Variants in FAM81A observed in about 807,000 individuals in gnomAD.
FAM81A encodes the protein protein FAM81A.
In FAM81A, 19 loss-of-function variants were observed where a neutral mutation model predicts 46.7. That is an observed-to-expected ratio of 0.41 (90% CI 0.28 to 0.60). The LOEUF (loss-of-function observed/expected upper bound fraction) is 0.60. Ranked by LOEUF, FAM81A falls within the 20% of genes least tolerant of loss-of-function variation. The pLI is 0.34. For synonymous variants in FAM81A, 183 were observed against 152.9 expected, an observed-to-expected ratio of 1.20 and a Z score of -1.45; for missense variants, 377 against 453.5, an observed-to-expected ratio of 0.83 and a Z score of 1.53.
intron 8 of FAM81A, 51 bp from the exon 9 acceptor site, chr15:59,521,203 C>T (rs1246780122): frequency 7.6e-6 from 12 of 1,577,816 alleles, no homozygotes; most frequent in Non-Finnish European, 1.0e-5. Context: ...GAATTTGATA[C>T]AGCATTTTAA....
At chr15:59,478,084 T>C (rs1470091395) in intron 3 of FAM81A, among the ~76,000 whole-genome samples, 2 of 152,194 alleles carry the variant, frequency 1.3e-5, no homozygotes, top group Non-Finnish European at 2.9e-5. Flanking sequence ...CTTTTATTGG[T>C]GGTAAGCTTT....
At chr15:59,421,913 A>G (rs1283998057) in intron 2 of FAM81A, among the ~76,000 whole-genome samples, 1 of 129,982 alleles carries the variant, frequency 7.7e-6, no homozygotes, top group Admixed American at 7.6e-5. Context: ...CTATCTATCT[A>G]TCTATCTATC....
chr15:59,411,812 G>A (rs1165309944), intron 2 of FAM81A, among the ~76,000 whole-genome samples: 1 of 152,178 alleles, frequency 6.6e-6, no homozygotes, highest in Non-Finnish European at 1.5e-5. Context: ...GAGTCTGGGG[G>A]CTGAGGCAGG....
chr15:59,418,357 T>C (rs1456215119), intron 2 of FAM81A, among the ~76,000 whole-genome samples: 1 of 152,216 alleles, frequency 6.6e-6, no homozygotes, highest in African/African-American at 2.4e-5. Context: ...AACTGAGTTT[T>C]ACAATCAATC....
At chr15:59,411,182 G>A (rs1025105371) in intron 2 of FAM81A, among the ~76,000 whole-genome samples, 4 of 152,044 alleles carry the variant, frequency 2.6e-5, no homozygotes, top group African/African-American at 9.7e-5. Flanking sequence ...ATATCATAAC[G>A]CACAGATCAA....
chr15:59,488,623 A>G (rs1383144673), intron 3 of FAM81A, among the ~76,000 whole-genome samples: 2 of 152,234 alleles, frequency 1.3e-5, no homozygotes, highest in African/African-American at 2.4e-5. Flanking sequence ...CTATATGCCA[A>G]TGGGGAACAA....
chr15:59,401,379 A>G, intron 1 of FAM81A: 3 of 787,810 alleles, frequency 3.8e-6, no homozygotes, highest in Non-Finnish European at 7.0e-6. Flanking sequence ...AAAGTTGTAT[A>G]CAGTGGGGAC....
chr15:59,447,892 A>T (rs1216527699), intron 1 of FAM81A, among the ~76,000 whole-genome samples: 1 of 152,200 alleles, frequency 6.6e-6, no homozygotes, highest in East Asian at 1.9e-4. Flanking sequence ...AGGAAGGCAG[A>T]TAATTGGTGG....
Position 59,448,895 on chromosome 15 carries a change from C to T in FAM81A, c.-77-9655C>T, listed in dbSNP as rs368082624. Among the ~76,000 whole-genome samples the T allele has an allele frequency of 3.9e-5, 6 of 152,146 alleles. No individual in the cohort carries two copies. The East Asian group carries it at 9.6e-4, about 24-fold the overall frequency. ...GCACAGGCTGGTCTTGAACTCCTGG[C>T]CTGAAATGATCATCCTACTTCAGCC... On this transcript the variant is annotated intron_variant, in intron 1 of 8. Coordinates refer to ENST00000288228, the MANE Select transcript of FAM81A (RefSeq NM_152450.3).
intron 1 of FAM81A, among the ~76,000 whole-genome samples, chr15:59,450,063 T>A: frequency 6.7e-6 from 1 of 149,972 alleles, no homozygotes; most frequent in South Asian, 2.1e-4. Context: ...GCTGGGACAA[T>A]AGGTGTGTGC....
At chr15:59,474,275 T>A (rs762133561) in intron 3 of FAM81A, among the ~76,000 whole-genome samples, 6 of 152,208 alleles carry the variant, frequency 3.9e-5, no homozygotes, top group Non-Finnish European at 7.3e-5. Context: ...ATATTTGTGT[T>A]GCTATAACAA....
At chr15:59,400,594 A>C (rs1316162723) in intron 1 of FAM81A, among the ~76,000 whole-genome samples, 5 of 152,082 alleles carry the variant, frequency 3.3e-5, no homozygotes, top group Non-Finnish European at 7.4e-5. Flanking sequence ...ACTCAGGTTC[A>C]CACCCCTCCT....
upstream of FAM81A, among the ~76,000 whole-genome samples, chr15:59,436,485 A>G (rs1356948989): frequency 6.6e-6 from 1 of 152,216 alleles, no homozygotes; most frequent in African/African-American, 2.4e-5. Context: ...TTATGTGTCC[A>G]TCTGAGATGC....
intron 3 of FAM81A, among the ~76,000 whole-genome samples, chr15:59,476,474 T>A (rs1375992589): frequency 1.3e-5 from 2 of 152,212 alleles, no homozygotes; most frequent in Non-Finnish European, 2.9e-5. Context: ...GAAGTCTTCA[T>A]TTATAAGTAA....
At chr15:59,429,959 G>A (rs1204003070) in intron 2 of FAM81A, among the ~76,000 whole-genome samples, 2 of 152,204 alleles carry the variant, frequency 1.3e-5, no homozygotes, top group African/African-American at 4.8e-5. Flanking sequence ...CAGGTAGTAG[G>A]ACTAGGGAGG....
At chr15:59,453,678 T>G (rs2081446782) in intron 1 of FAM81A, among the ~76,000 whole-genome samples, 1 of 147,912 alleles carries the variant, frequency 6.8e-6, no homozygotes, top group African/African-American at 2.5e-5. Context: ...GCAGTAAAAA[T>G]GGGAAGTTAA....
chr15:59,463,787 T>G (rs77104239), intron 3 of FAM81A, among the ~76,000 whole-genome samples: 2,965 of 152,214 alleles, frequency 0.019, 88 homozygotes, highest in African/African-American at 0.068. Context: ...GGAACCAACT[T>G]TTGGTTTTAT....
chr15:59,445,689 A>G (rs543649584), intron 1 of FAM81A: 58 of 152,346 alleles, frequency 3.8e-4, no homozygotes, highest in African/African-American at 1.3e-3. Flanking sequence ...TGGTAGAACC[A>G]AAAGTCACCA....
chr15:59,429,278 T>C (rs1242879459), intron 2 of FAM81A, among the ~76,000 whole-genome samples: 1 of 152,218 alleles, frequency 6.6e-6, no homozygotes, highest in Non-Finnish European at 1.5e-5. Flanking sequence ...TTGGTATGAA[T>C]CTTTTTTTCG....
Sources: allele counts gnomAD v4.1 joint callset (sites outside exome capture counted in the v4.1 genomes callset), GRCh38; gene constraint gnomAD v4.1.1; transcripts MANE v1.5; gene names NCBI Gene and HGNC (gene_info 2026-07-23, HGNC 2026-07-21).